PDE4D: variants seen among roughly 807,000 people sequenced by gnomAD.
The protein encoded by PDE4D is 3',5'-cyclic-AMP phosphodiesterase 4D.
A neutral mutation model predicts 87.4 loss-of-function variants in PDE4D; 24 were observed. That is an observed-to-expected ratio of 0.27 (90% CI 0.20 to 0.39). The LOEUF (loss-of-function observed/expected upper bound fraction) is 0.39. Ranked by LOEUF, PDE4D falls within the 10% of genes least tolerant of loss-of-function variation. The pLI, the probability that PDE4D is intolerant of heterozygous loss-of-function variation, is 1.00. For missense variants in PDE4D, 714 were observed against 1,041.0 expected (o/e 0.69, Z 4.32); for synonymous variants, 384 against 383.2 (o/e 1.00, Z -0.02).
chr5:59,355,526 G>A (rs1781244358), intron 1 of PDE4D, among the ~76,000 whole-genome samples: 1 of 151,984 alleles, frequency 6.6e-6, no homozygotes, highest in African/African-American at 2.4e-5. Flanking sequence ...ATAAGCATGA[G>A]AATCACATTT....
At chr5:59,478,222 C>T (rs1325664945) in intron 1 of PDE4D, among the ~76,000 whole-genome samples, 2 of 152,034 alleles carry the variant, frequency 1.3e-5, no homozygotes, top group Non-Finnish European at 2.9e-5. Context: ...AAACACTATA[C>T]TTAGTTGATA....
chr5:59,601,645 T>C (rs781519739), intron 1 of PDE4D, among the ~76,000 whole-genome samples: 2 of 152,128 alleles, frequency 1.3e-5, no homozygotes, highest in African/African-American at 2.4e-5. Context: ...CTCAGCACTT[T>C]TGAGACTGCC....
intron 5 of PDE4D, among the ~76,000 whole-genome samples, chr5:59,179,866 A>G (rs1469954172): frequency 6.6e-6 from 1 of 152,224 alleles, no homozygotes; most frequent in African/African-American, 2.4e-5. Context: ...GAAATAGTCA[A>G]AAGAGTTCAA....
chr5:59,676,143 T>C (rs1245507963), intron 1 of PDE4D, among the ~76,000 whole-genome samples: 1 of 152,052 alleles, frequency 6.6e-6, no homozygotes, highest in Non-Finnish European at 1.5e-5. Context: ...GCATGCACTT[T>C]TGTGAAATAG....
chr5:59,574,040 T>TTATATATATTTATATATAAAAA (rs1561239698), intron 1 of PDE4D, among the ~76,000 whole-genome samples: 3 of 88,978 alleles, frequency 3.4e-5, no homozygotes, highest in Non-Finnish European at 6.2e-5. Flanking sequence ...AAATATATAT[T>TTATATATATTTATATATAAAAA]TATATATATT....
chr5:60,313,843 C>A (rs954053404), intron 1 of PDE4D, among the ~76,000 whole-genome samples: 1 of 152,170 alleles, frequency 6.6e-6, no homozygotes, highest in Non-Finnish European at 1.5e-5. Flanking sequence ...ACAGAAACTA[C>A]ATGATCACCT....
rs575371201 is a variant in PDE4D at position 60,327,359 on chromosome 5, T to G, written c.-89-141672A>C. Among the ~76,000 whole-genome samples, 18 of 152,290 alleles carry G rather than the reference T, an allele frequency of 1.2e-4. No individual in the cohort carries two copies. In the South Asian group the frequency reaches 2.3e-3, roughly 19 times the overall value. On this transcript the variant is annotated intron_variant, in intron 1 of 16. Transcript: ENST00000502484. ...CAGGATTCTTCTGGCTATGACTCCTTGTCAAAGAATGTTTCTTTTCTCTTG... is the reference window on the plus strand; with the variant it reads ...CAGGATTCTTCTGGCTATGACTCCTGGTCAAAGAATGTTTCTTTTCTCTTG...
At chr5:60,163,327 C>T (rs1183303586) in intron 2 of PDE4D, among the ~76,000 whole-genome samples, 1 of 152,050 alleles carries the variant, frequency 6.6e-6, no homozygotes, top group Non-Finnish European at 1.5e-5. Flanking sequence ...GTTATTGAGT[C>T]CATTTCTACA....
chr5:59,010,052 G>A (rs913707329), intron 6 of PDE4D, among the ~76,000 whole-genome samples: 8 of 152,122 alleles, frequency 5.3e-5, no homozygotes, highest in South Asian at 2.1e-4. Context: ...TTGGCAGGGC[G>A]CTGTGGCTCA....
intron 1 of PDE4D, among the ~76,000 whole-genome samples, chr5:60,190,162 G>C (rs1785090296): frequency 6.6e-6 from 1 of 152,176 alleles, no homozygotes; most frequent in African/African-American, 2.4e-5. Flanking sequence ...AAGGAAATTA[G>C]GAGGAGGCAA....
At chr5:59,686,964 T>C (rs959276254) in intron 1 of PDE4D, among the ~76,000 whole-genome samples, 2 of 152,170 alleles carry the variant, frequency 1.3e-5, no homozygotes, top group African/African-American at 4.8e-5. Flanking sequence ...TTCAACTTTC[T>C]TCAGCCCTTT....
chr5:59,162,819 C>A (rs1781319050), intron 5 of PDE4D, among the ~76,000 whole-genome samples: 1 of 136,230 alleles, frequency 7.3e-6, no homozygotes, highest in African/African-American at 2.9e-5. Flanking sequence ...TGTGCCACCG[C>A]AATCTAGCCT....
At chr5:59,263,980 A>G (rs1581669222) in intron 1 of PDE4D, among the ~76,000 whole-genome samples, 2 of 152,054 alleles carry the variant, frequency 1.3e-5, no homozygotes, top group African/African-American at 4.8e-5. Flanking sequence ...TTCTGTTTAC[A>G]ATATTTATAT....
chr5:59,937,686 C>T (rs1030401170), intron 3 of PDE4D, among the ~76,000 whole-genome samples: 1 of 152,210 alleles, frequency 6.6e-6, no homozygotes, highest in African/African-American at 2.4e-5. Context: ...TTTAACTTTA[C>T]CTCCTAAAGG....
At chr5:59,345,834 C>T (rs2153583970) in intron 1 of PDE4D, among the ~76,000 whole-genome samples, 1 of 152,266 alleles carries the variant, frequency 6.6e-6, no homozygotes, top group South Asian at 2.1e-4. Flanking sequence ...CCCAGAAATC[C>T]TACCTCTTGG....
At chr5:60,301,689 C>G (rs1583348515) in intron 1 of PDE4D, among the ~76,000 whole-genome samples, 1 of 152,168 alleles carries the variant, frequency 6.6e-6, no homozygotes, top group African/African-American at 2.4e-5. Flanking sequence ...ATTTGAATAC[C>G]CTTTATTTCT....
chr5:60,213,638 CTTT>C lies in PDE4D; in HGVS notation c.-89-27954_-89-27952del, dbSNP rs1276280156. ...GACAACAGAATAAATTTTTTTTAAA[CTTT>C]TTTTATAGTCAATAAGGCCAGGCAT... is the stretch of plus-strand genomic sequence containing the variant. On this transcript the variant is annotated intron_variant, in intron 1 of 16. Coordinates refer to the PDE4D transcript ENST00000502484. 3.3e-5 allele frequency among the ~76,000 whole-genome samples: 5 copies of C among 152,074 alleles called. No homozygotes were observed. In the East Asian group the frequency reaches 9.6e-4, roughly 29 times the overall value.
At chr5:60,366,357 G>A (rs1222423234) in intron 1 of PDE4D, among the ~76,000 whole-genome samples, 2 of 152,066 alleles carry the variant, frequency 1.3e-5, no homozygotes, top group Non-Finnish European at 2.9e-5. Context: ...ATCAAGAGAA[G>A]AAGAAAGTCA....
rs115960223 is a variant in PDE4D, at chr5:60,207,108, C to T, written c.-89-21421G>A. 9.5e-3 allele frequency among the ~76,000 whole-genome samples: 1,450 copies of T among 152,184 alleles called. 29 individuals are homozygous for T. The highest frequency in any genetic ancestry group is 0.033 in the African/African-American group (1,379 of 41,500). ...CAGGAAAAAAAGAATGACATTCATG[C>T]CTGAAAGGAACATCAGAGAAGAAAT... On this transcript the variant is annotated intron_variant, in intron 1 of 16. Transcript: ENST00000502484.
Sources: gnomAD v4.1 joint callset for allele counts (sites outside exome capture counted in the v4.1 genomes callset) on GRCh38, gnomAD v4.1.1 for gene constraint, MANE v1.5 for transcripts, NCBI Gene and HGNC (gene_info 2026-07-23, HGNC 2026-07-21) for gene names.